FOXP1: variants seen among roughly 807,000 people sequenced by gnomAD.
FOXP1 encodes the protein forkhead box P1.
Under a neutral mutation model 98.2 loss-of-function variants are expected in FOXP1, and 15 were observed. The observed-to-expected ratio is 0.15, with a 90% CI of 0.10 to 0.24. FOXP1 has a LOEUF of 0.24. Among genes scored for constraint, FOXP1 ranks in the 10% least tolerant of loss-of-function variants. The pLI is 1.00. For missense variants in FOXP1, 633 were observed against 848.5 expected (o/e 0.75, Z 3.15); for synonymous variants, 371 against 314.5 (o/e 1.18, Z -1.90).
chr3:71,356,025 GGGACTA>G (rs2078130121), intron 4 of FOXP1, among the ~76,000 whole-genome samples: 1 of 152,004 alleles, frequency 6.6e-6, no homozygotes, highest in Non-Finnish European at 1.5e-5. Context: ...GGATCTGTGG[GGGACTA>G]GGACCTGCTT....
chr3:71,323,225 T>C (rs1263232344), intron 4 of FOXP1, among the ~76,000 whole-genome samples: 1 of 152,168 alleles, frequency 6.6e-6, no homozygotes, highest in Admixed American at 6.5e-5. Flanking sequence ...CGCCTCGGCC[T>C]TGGTACATTT....
At chr3:71,448,882 C>T (rs1010454783) in intron 3 of FOXP1, among the ~76,000 whole-genome samples, 10 of 152,210 alleles carry the variant, frequency 6.6e-5, no homozygotes, top group Non-Finnish European at 1.5e-4. Context: ...TGCCGGCACA[C>T]GTCTTTTTCA....
chr3:71,071,969 A>C (rs934021945), intron 7 of FOXP1, among the ~76,000 whole-genome samples: 1 of 152,220 alleles, frequency 6.6e-6, no homozygotes, highest in Non-Finnish European at 1.5e-5. Flanking sequence ...CACATTTTAC[A>C]TTAGCAAAGG....
intron 14 of FOXP1, among the ~76,000 whole-genome samples, chr3:70,985,878 G>C (rs1047275799): frequency 2.3e-4 from 35 of 152,146 alleles, no homozygotes; most frequent in Admixed American, 7.8e-4. Flanking sequence ...AATGGTTATA[G>C]AAGTGCTGTG....
intron 6 of FOXP1, among the ~76,000 whole-genome samples, chr3:71,139,905 A>G (rs1459851062): frequency 6.6e-6 from 1 of 152,206 alleles, no homozygotes; most frequent in African/African-American, 2.4e-5. Flanking sequence ...GGAGTTCATA[A>G]TAAAACCCAG....
At chr3:70,976,139 T>C (rs923490004) in intron 17 of FOXP1, among the ~76,000 whole-genome samples, 1 of 147,246 alleles carries the variant, frequency 6.8e-6, no homozygotes, top group African/African-American at 2.5e-5. Context: ...AGCCTCAACC[T>C]CCTTGCCTCA....
chr3:71,226,548 T>TTCTCTC (rs10701218), intron 5 of FOXP1, among the ~76,000 whole-genome samples: 39 of 146,260 alleles, frequency 2.7e-4, no homozygotes, highest in African/African-American at 5.3e-4. Context: ...CTTCCCGGGG[T>TTCTCTC]TCTCTCTCTC....
At chr3:71,174,806 A>G (rs1235496141) in intron 6 of FOXP1, among the ~76,000 whole-genome samples, 2 of 151,248 alleles carry the variant, frequency 1.3e-5, no homozygotes, top group Non-Finnish European at 2.9e-5. Flanking sequence ...ACACACACAC[A>G]CACACACACA....
intron 2 of FOXP1, among the ~76,000 whole-genome samples, chr3:71,499,912 C>A (rs2041209804): frequency 1.3e-5 from 2 of 152,134 alleles, no homozygotes; most frequent in African/African-American, 4.8e-5. Flanking sequence ...AAAAGAAGAA[C>A]AAATAATACT....
intron 2 of FOXP1, among the ~76,000 whole-genome samples, chr3:71,575,917 C>T (rs930980301): frequency 4.6e-5 from 7 of 152,184 alleles, no homozygotes; most frequent in African/African-American, 1.7e-4. Flanking sequence ...TCTTCAGTGT[C>T]CTAGTAAACA....
intron 12 of FOXP1, among the ~76,000 whole-genome samples, chr3:71,008,273 G>A (rs1484381427): frequency 1.3e-5 from 2 of 151,996 alleles, no homozygotes; most frequent in Admixed American, 1.3e-4. Flanking sequence ...TGCATTACAT[G>A]AGCATTAAAA....
chr3:71,169,784 A>C (rs1175333831), intron 6 of FOXP1, among the ~76,000 whole-genome samples: 8 of 121,650 alleles, frequency 6.6e-5, no homozygotes, highest in Non-Finnish European at 1.2e-4. Context: ...AATTACTGGC[A>C]AAAAAAAAAA....
At chr3:71,004,250 A>G (rs1454545438) in intron 12 of FOXP1, among the ~76,000 whole-genome samples, 2 of 152,146 alleles carry the variant, frequency 1.3e-5, no homozygotes, top group Non-Finnish European at 2.9e-5. Flanking sequence ...GTCAGCAGAA[A>G]TAGCTCTGGG....
At chr3:70,985,719 A>G in intron 14 of FOXP1, among the ~76,000 whole-genome samples, 1 of 152,144 alleles carries the variant, frequency 6.6e-6, no homozygotes, top group East Asian at 1.9e-4. Flanking sequence ...ATACAACAGT[A>G]CATTTACATA....
chr3:71,225,215 C>T lies in FOXP1; in HGVS notation c.-11-26823G>A, dbSNP rs546980907. 1.2e-4 allele frequency among the ~76,000 whole-genome samples: 19 copies of T among 152,320 alleles called. No homozygotes were observed. The South Asian group carries it at 3.5e-3, about 28-fold the overall frequency. On this transcript the variant is annotated intron_variant, in intron 5 of 20. Transcript: ENST00000649528. Reference sequence around the variant, plus strand: ...TTGCCATGTTATTCCAACACATTTGCGGCATAAATGCTAAGCTGTCAATCC... The same window carrying T: ...TTGCCATGTTATTCCAACACATTTGTGGCATAAATGCTAAGCTGTCAATCC...
intron 7 of FOXP1, among the ~76,000 whole-genome samples, chr3:71,064,055 C>G (rs1365512026): frequency 6.6e-6 from 1 of 152,164 alleles, no homozygotes; most frequent in East Asian, 1.9e-4. Flanking sequence ...ATTCCTCAGT[C>G]TGCTGCACGT....
intron 3 of FOXP1, among the ~76,000 whole-genome samples, chr3:71,460,961 C>A (rs2088034112): frequency 2.6e-5 from 4 of 151,970 alleles, no homozygotes; most frequent in Admixed American, 2.6e-4. Context: ...CTCTGACAAG[C>A]TGAAGGGAAA....
At chr3:71,201,389 T>C (rs887937678) in intron 5 of FOXP1, among the ~76,000 whole-genome samples, 1 of 152,222 alleles carries the variant, frequency 6.6e-6, no homozygotes, top group Admixed American at 6.5e-5. Flanking sequence ...CTCATGCCTG[T>C]AATCCCAGCA....
At chr3:71,547,748 T>G (rs1189385516) in intron 2 of FOXP1, among the ~76,000 whole-genome samples, 1 of 152,186 alleles carries the variant, frequency 6.6e-6, no homozygotes, top group African/African-American at 2.4e-5. Context: ...AGCAACCCTA[T>G]AAGCAACCCA....
Sources: allele counts gnomAD v4.1 joint callset (sites outside exome capture counted in the v4.1 genomes callset), GRCh38; gene constraint gnomAD v4.1.1; transcripts MANE v1.5; gene names NCBI Gene and HGNC (gene_info 2026-07-23, HGNC 2026-07-21).